The following USP19 variants were observed in gnomAD, a reference collection of about 807,000 sequenced individuals.
USP19 encodes the protein ubiquitin specific peptidase 19.
USP19 carries 40 observed loss-of-function variants against 144.8 expected under a neutral mutation model. The ratio of observed to expected loss-of-function variants is 0.28; its 90% CI spans 0.21 to 0.36. The LOEUF is 0.36. Among genes scored for constraint, USP19 ranks in the 10% least tolerant of loss-of-function variants. USP19 has a pLI of 1.00. For missense variants in USP19, 1,518 were observed against 1,822.5 expected (o/e 0.83, Z 3.04); for synonymous variants, 701 against 709.3 (o/e 0.99, Z 0.19).
Position 49,117,330 on chromosome 3 carries a change from G to A in USP19, c.638C>T (p.Pro213Leu), listed in dbSNP as rs773450413. The change falls in exon 6 of 27, where the codon CCG (proline) becomes CTG (leucine). Residue 213 changes from proline to leucine, a missense_variant. Around this residue, in one of 5 missense-constraint regions of USP19, gnomAD observed 707 missense variants for 728.9 expected, o/e 0.97. Transcript: ENST00000417901. This position sits in a 1 kb window ranked among gnomAD's most constrained non-coding sequence, Gnocchi z 4.4. ...CCCATTCTCCTGGCACCGCAGCCCC[G>A]GCACCAGCTCCTGGGTCCCTAGAGG... Reference protein sequence around the residue: ...KKPLGTQELVPGLRCQENGQE... With the variant: ...KKPLGTQELVLGLRCQENGQE... 1.6e-5 allele frequency: 26 copies of A among 1,587,298 alleles called. No homozygotes were observed. Among genetic ancestry groups the A allele is most frequent in the African/African-American group, 4.1e-5 (3 of 74,002 alleles).
intron 17 of USP19, among the ~76,000 whole-genome samples, chr3:49,113,206 A>G (rs2043456765): frequency 6.6e-6 from 1 of 152,252 alleles, no homozygotes; most frequent in South Asian, 2.1e-4. Flanking sequence ...TCTGTTGCAC[A>G]GAAAAAATAA....
intron 1 of USP19, among the ~76,000 whole-genome samples, chr3:49,119,586 G>A (rs2044795486): frequency 6.6e-6 from 1 of 152,220 alleles, no homozygotes; most frequent in South Asian, 2.1e-4. Context: ...CTGGAGAGGA[G>A]CCACGGCTCC....
chr3:49,118,625 G>A (rs2044601008), intron 2 of USP19, among the ~76,000 whole-genome samples: 1 of 151,626 alleles, frequency 6.6e-6, no homozygotes, highest in Admixed American at 6.6e-5. Context: ...GCATGCACCT[G>A]TAATCCCAGC....
rs1436767978 is a variant in USP19, at chr3:49,112,644, C to T, written c.2506-15G>A. ...TTCTTAATTACCTGGGGACAGAGAA[C>T]ACACAGATCCCACGTGAGGATAAGC... On this transcript the variant is annotated splice_polypyrimidine_tract_variant and intron_variant, in intron 17 of 26. Transcript: ENST00000417901. This position sits in a 1 kb window ranked among gnomAD's most constrained non-coding sequence, Gnocchi z 4.9. 3.7e-6 allele frequency: 6 copies of T among 1,608,208 alleles called. No individual in the cohort carries two copies. Among genetic ancestry groups the T allele is most frequent in the Non-Finnish European group, 5.1e-6 (6 of 1,176,192 alleles).
In USP19 at chr3:49,115,699, G is replaced by A. The variant is rs934772285; in HGVS notation, c.1692+25C>T. 3.2e-5 allele frequency: 52 copies of A among 1,607,024 alleles called. No individual in the cohort carries two copies. The South Asian group carries it at 3.3e-4, about 10-fold the overall frequency. ...CAAGACTCTCCAGCCTCCATTCTTC[G>A]TCCTTCCCACCCCAGAATTCTCACC... On this transcript the variant is annotated intron_variant, in intron 11 of 26. Coordinates refer to ENST00000417901, the MANE Select transcript of USP19 (RefSeq NM_001199161.2). The surrounding 1 kb of genome is among the most constrained non-coding windows in gnomAD (Gnocchi z 6.6).
chr3:49,117,180 T>C lies in USP19; in HGVS notation c.788A>G (p.Gln263Arg). The C allele has an allele frequency of 6.5e-7, 1 of 1,548,062 alleles. No homozygotes were observed. Among genetic ancestry groups the C allele is most frequent in the Non-Finnish European group, 8.7e-7 (1 of 1,146,802 alleles). Residue 263 changes from glutamine to arginine, a missense_variant, in exon 6 of 27, where the codon CAG (glutamine) becomes CGG (arginine). Around this residue, in one of 5 missense-constraint regions of USP19, gnomAD observed 707 missense variants for 728.9 expected, o/e 0.97. Transcript: ENST00000417901. The surrounding 1 kb of genome is among the most constrained non-coding windows in gnomAD (Gnocchi z 4.4). ...AGCCCTCTTGGCGCTGGGCCCTGCC[T>C]GGGCCCCGGGGCCAGCCCCTGCGCC... The part of the protein sequence containing the change: ...EVGAGAGPGA[Q>R]AGPSAKRAVH...
chr3:49,109,460 G>A (rs1451844501), intron 26 of USP19, among the ~76,000 whole-genome samples: 1 of 152,172 alleles, frequency 6.6e-6, no homozygotes, highest in Non-Finnish European at 1.5e-5. Context: ...TATCTGGTTA[G>A]TATTTCAGTC....
Position 49,108,674 on chromosome 3 carries a change from T to A in USP19, c.4039-146A>T. The A allele has an allele frequency of 7.7e-7, 1 of 1,292,480 alleles. No individual in the cohort carries two copies. The highest frequency in any genetic ancestry group is 9.8e-7 in the Non-Finnish European group (1 of 1,020,422). 80.1% of individuals were successfully genotyped at this position (1,292,480 alleles called of 1,614,324 possible). A position where few individuals can be genotyped will look rare whatever the true frequency, so the allele number is the denominator to read the frequency against. On this transcript the variant is annotated intron_variant, in intron 26 of 26. Coordinates refer to ENST00000417901, the MANE Select transcript of USP19 (RefSeq NM_001199161.2). The surrounding 1 kb of genome is among the most constrained non-coding windows in gnomAD (Gnocchi z 4.8). Reference sequence around the variant, plus strand: ...CGGCGTTGAGACAGAGAGACGAGATTGGGCCTGAATAGTCTGGTTTTATTA... The same window carrying A: ...CGGCGTTGAGACAGAGAGACGAGATAGGGCCTGAATAGTCTGGTTTTATTA...
At position 49,110,436 on chromosome 3, in the gene USP19, G is replaced by A. The variant is rs1354768899; in HGVS notation, c.3859+8C>T. The stretch of plus-strand genomic sequence containing the variant: ...ACCACCTATCCTGCTGGCTGTGTGT[G>A]CCCTCACCCACGTCACTGCGCTGAC... On this transcript the variant is annotated splice_region_variant and intron_variant, in intron 25 of 26. Transcript: ENST00000417901. The surrounding 1 kb of genome is among the most constrained non-coding windows in gnomAD (Gnocchi z 6.1). The A allele has an allele frequency of 6.2e-7, 1 of 1,613,476 alleles. No homozygotes were observed. Among genetic ancestry groups the A allele is most frequent in the Admixed American group, 1.7e-5 (1 of 59,996 alleles).
Position 49,112,258 on chromosome 3 carries a change from G to C in USP19, c.2765+26C>G, listed in dbSNP as rs80060990. 5.2e-3 allele frequency: 8,334 copies of C among 1,588,468 alleles called. 778 individuals are homozygous for C. The East Asian group carries it at 0.17, about 32-fold the overall frequency. ...GGCACATGGAAGGTGGAAAGAAAGG[G>C]TAGGGGAGACCATGGGGGTCCTCAC... On this transcript the variant is annotated intron_variant, in intron 19 of 26. Coordinates refer to ENST00000417901, the MANE Select transcript of USP19 (RefSeq NM_001199161.2). This position sits in a 1 kb window ranked among gnomAD's most constrained non-coding sequence, Gnocchi z 4.9.
chr3:49,116,714 C>T lies in USP19; in HGVS notation c.1126+13G>A, dbSNP rs762354344. ...CCCAACCTAGGGCTCTGCCTGCCCA[C>T]CCCCACCTTTACCATCCACCAAGGT... On this transcript the variant is annotated intron_variant, in intron 7 of 26. Transcript: ENST00000417901. The surrounding 1 kb of genome is among the most constrained non-coding windows in gnomAD (Gnocchi z 5.0). 6.2e-7 allele frequency: 1 copy of T among 1,607,962 alleles called. No individual in the cohort carries two copies. The highest frequency in any genetic ancestry group is 2.2e-5 in the East Asian group (1 of 44,798).
chr3:49,108,388 T>A lies in USP19; in HGVS notation c.*24A>T. On this transcript the variant is annotated 3_prime_UTR_variant, in exon 27 of 27. Coordinates refer to ENST00000417901, the MANE Select transcript of USP19 (RefSeq NM_001199161.2). This position sits in a 1 kb window ranked among gnomAD's most constrained non-coding sequence, Gnocchi z 4.8. The stretch of plus-strand genomic sequence containing the variant: ...CTCTGTGTGGGTGTCCCAAACCCAG[T>A]CCCCCCCATCAGCCAGGGACCTGCT... 1 of 1,023,150 alleles carries A rather than the reference T, an allele frequency of 9.8e-7. No individual in the cohort carries two copies. The allele number at this position is 1,023,150 out of a possible 1,614,324, so 63.4% of individuals were successfully genotyped here.
In USP19 at chr3:49,116,865, G is replaced by A; in HGVS notation, c.988C>T (p.Pro330Ser). 1 of 1,614,126 alleles carries A rather than the reference G, an allele frequency of 6.2e-7. No homozygotes were observed. The highest frequency in any genetic ancestry group is 8.5e-7 in the Non-Finnish European group (1 of 1,180,034). ...GGCACTGCTTTCTCTCCTGCCAAAGGGGCTAAATTCTCCTCTGAGCCCAGG... is the reference window on the plus strand; with the variant it reads ...GGCACTGCTTTCTCTCCTGCCAAAGAGGCTAAATTCTCCTCTGAGCCCAGG... ...CLLGSEENLAPLAGEKAVPPG... is the reference protein window; with the variant it reads ...CLLGSEENLASLAGEKAVPPG... Residue 330 changes from proline (P) to serine (S), a missense_variant, in exon 7 of 27, where the codon CCT (proline) becomes TCT (serine). By Grantham distance (74) the Pro-to-Ser change is moderately conservative (BLOSUM62 -1). This residue lies in a region of USP19 where 707 missense variants were observed against 728.9 expected (regional missense o/e 0.97). Coordinates refer to ENST00000417901, the MANE Select transcript of USP19 (RefSeq NM_001199161.2). This position sits in a 1 kb window ranked among gnomAD's most constrained non-coding sequence, Gnocchi z 5.0.
At chr3:49,109,085 A>AG (rs2042744064) in intron 26 of USP19, 1 of 1,600,534 alleles carries the variant, frequency 6.2e-7, no homozygotes, top group Non-Finnish European at 8.5e-7. Flanking sequence ...GCCACGTGGT[A>AG]GGGGGCCCAC....
At position 49,117,554 on chromosome 3, in the gene USP19, A is replaced by G; in HGVS notation, c.489T>C (p.Gly163=). 1.9e-6 allele frequency: 3 copies of G among 1,614,036 alleles called. No homozygotes were observed. The highest frequency in any genetic ancestry group is 2.5e-6 in the Non-Finnish European group (3 of 1,180,024). Residue 163 remains glycine, a synonymous_variant, in exon 5 of 27, where the codon GGT becomes GGC. Coordinates refer to ENST00000417901, the MANE Select transcript of USP19 (RefSeq NM_001199161.2). The surrounding 1 kb of genome is among the most constrained non-coding windows in gnomAD (Gnocchi z 4.4). ...TTTTTATCTCAGCATAGAAGACACCACCCCACTGCTGACCACCTGGGGACA... is the reference window on the plus strand; with the variant it reads ...TTTTTATCTCAGCATAGAAGACACCGCCCCACTGCTGACCACCTGGGGACA... ...VVRFAGGQQW[G]GVFYAEIKSS...
Position 49,108,499 on chromosome 3 carries a change from C to A in USP19, c.4068G>T (p.Val1356=). The A allele has an allele frequency of 7.9e-7, 1 of 1,257,984 alleles. No individual in the cohort carries two copies. Among genetic ancestry groups the A allele is most frequent in the Non-Finnish European group, 1.0e-6 (1 of 975,268 alleles). 77.9% of individuals were successfully genotyped at this position (1,257,984 alleles called of 1,614,324 possible). The change falls in exon 27 of 27, where the codon GTG becomes GTT. Residue 1356 remains valine (V), a synonymous_variant. Transcript: ENST00000417901. This position sits in a 1 kb window ranked among gnomAD's most constrained non-coding sequence, Gnocchi z 4.8. ...QGLGPGQAPE[V]APTRTAPERF... ...GTTCAGGGGCTGTCCGCGTGGGGGC[C>A]ACCTCGGGGGCCTGGCCAGGGCCTA...
In USP19 at chr3:49,119,274, CG is replaced by C. The variant is rs1560052302; in HGVS notation, c.-130del. Reference sequence around the variant, plus strand: ...TGTGGCCAAATTCTCCAGCAAGGAACGGACAGCCTAATGGAAAGAAGCCAGT... The same window carrying C: ...TGTGGCCAAATTCTCCAGCAAGGAACGACAGCCTAATGGAAAGAAGCCAGT... On this transcript the variant is annotated 5_prime_UTR_variant, in exon 2 of 27. Coordinates refer to ENST00000417901, the MANE Select transcript of USP19 (RefSeq NM_001199161.2). 7.7e-7 allele frequency: 1 copy of C among 1,298,752 alleles called. No individual in the cohort carries two copies. Among genetic ancestry groups the C allele is most frequent in the East Asian group, 2.4e-5 (1 of 40,898 alleles). 80.5% of individuals were successfully genotyped at this position (1,298,752 alleles called of 1,614,324 possible). A position where few individuals can be genotyped will look rare whatever the true frequency, so the allele number is the denominator to read the frequency against.
Position 49,117,749 on chromosome 3 carries a change from A to T in USP19, c.380T>A (p.Val127Glu), listed in dbSNP as rs761498582. The T allele has an allele frequency of 6.2e-7, 1 of 1,613,992 alleles. No individual in the cohort carries two copies. Among genetic ancestry groups the T allele is most frequent in the Non-Finnish European group, 8.5e-7 (1 of 1,180,010 alleles). The change falls in exon 4 of 27, where the codon GTG (valine) becomes GAG (glutamate). Residue 127 changes from valine to glutamate, a missense_variant. Coordinates refer to ENST00000417901, the MANE Select transcript of USP19 (RefSeq NM_001199161.2). The surrounding 1 kb of genome is among the most constrained non-coding windows in gnomAD (Gnocchi z 4.4). Reference sequence around the variant, plus strand: ...TACTCCCACACGAAGCTTGACAATCACCTCTTCTGCACTCTGCCTCCAATC... The same window carrying T: ...TACTCCCACACGAAGCTTGACAATCTCCTCTTCTGCACTCTGCCTCCAATC... ...LLDWRQSAEE[V>E]IVKLRVGVGP...
chr3:49,115,178 C>A lies in USP19; in HGVS notation c.2022+50G>T. 6.2e-7 allele frequency: 1 copy of A among 1,612,794 alleles called. No homozygotes were observed. Among genetic ancestry groups the A allele is most frequent in the South Asian group, 1.1e-5 (1 of 91,040 alleles). On this transcript the variant is annotated intron_variant, in intron 13 of 26. Coordinates refer to ENST00000417901, the MANE Select transcript of USP19 (RefSeq NM_001199161.2). The surrounding 1 kb of genome is among the most constrained non-coding windows in gnomAD (Gnocchi z 6.6). Reference sequence around the variant, plus strand: ...TAGCACCCACTGCACACCCAGCTGGCTGGCCCTCCCCGCCCCCTCCAGCCA... The same window carrying A: ...TAGCACCCACTGCACACCCAGCTGGATGGCCCTCCCCGCCCCCTCCAGCCA...
Sources: allele counts gnomAD v4.1 joint callset (sites outside exome capture counted in the v4.1 genomes callset), GRCh38; gene constraint gnomAD v4.1.1; regional missense constraint gnomAD v4.1.1; non-coding constraint Gnocchi (gnomAD v3.1); transcripts MANE v1.5; gene names NCBI Gene and HGNC (gene_info 2026-07-23, HGNC 2026-07-21).